SLC16A10: variants seen among roughly 807,000 people sequenced by gnomAD.
The protein encoded by SLC16A10 is monocarboxylate transporter 10.
Under a neutral mutation model 40.0 loss-of-function variants are expected in SLC16A10, and 27 were observed. The ratio of observed to expected loss-of-function variants is 0.67; its 90% CI spans 0.50 to 0.93. SLC16A10 has a LOEUF of 0.93. Among genes scored for constraint, SLC16A10 ranks in the 40% least tolerant of loss-of-function variants. SLC16A10 has a pLI of 0.00. For synonymous variants in SLC16A10, 213 were observed against 249.8 expected (o/e 0.85, Z 1.39); for missense variants, 529 against 658.2 (o/e 0.80, Z 2.15).
chr6:111,116,889 A>T (rs1248283871), intron 1 of SLC16A10, among the ~76,000 whole-genome samples: 1 of 152,220 alleles, frequency 6.6e-6, no homozygotes, highest in Non-Finnish European at 1.5e-5. Flanking sequence ...GATGGGGGAT[A>T]CTAGAAAACT....
chr6:111,138,756 G>C (rs766193035), intron 1 of SLC16A10, among the ~76,000 whole-genome samples: 20 of 152,104 alleles, frequency 1.3e-4, no homozygotes, highest in Non-Finnish European at 2.2e-4. Context: ...AAGTAGCTGG[G>C]ACTACAGGCC....
chr6:111,221,118 G>T (rs1348361257), intron 5 of SLC16A10, among the ~76,000 whole-genome samples: 1 of 152,110 alleles, frequency 6.6e-6, no homozygotes, highest in Non-Finnish European at 1.5e-5. Context: ...ATATTCCCTG[G>T]ACATTTTAGA....
intron 1 of SLC16A10, among the ~76,000 whole-genome samples, chr6:111,152,993 G>A (rs1772200513): frequency 6.6e-6 from 1 of 152,158 alleles, no homozygotes; most frequent in East Asian, 1.9e-4. Flanking sequence ...AATGCACAGG[G>A]TAAAGAACTT....
In SLC16A10 at chr6:111,230,262, C is replaced by T. The variant is rs1436311700; in HGVS notation, c.*8027C>T. On this transcript the variant is annotated 3_prime_UTR_variant, in exon 6 of 6. Transcript: ENST00000368851. Reference sequence around the variant, plus strand: ...GTGCTGGAATTACAGGCATGAGCCACCATGCCCGGCTAGAGAATGACAGGT... The same window carrying T: ...GTGCTGGAATTACAGGCATGAGCCATCATGCCCGGCTAGAGAATGACAGGT... The T allele has an allele frequency of 6.6e-6, 1 of 152,026 alleles. No individual in the cohort carries two copies. The highest frequency in any genetic ancestry group is 1.5e-5 in the Non-Finnish European group (1 of 68,020). The allele number at this position is 152,026 out of a possible 1,614,324, so 9.4% of individuals were successfully genotyped here. A position where few individuals can be genotyped will look rare whatever the true frequency, so the allele number is the denominator to read the frequency against.
Position 111,229,050 on chromosome 6 carries a change from T to C in SLC16A10, c.*6815T>C, listed in dbSNP as rs987488594. 1 of 87,564 alleles carries C rather than the reference T, an allele frequency of 1.1e-5. No individual in the cohort carries two copies. Among genetic ancestry groups the C allele is most frequent in the Non-Finnish European group, 2.5e-5 (1 of 39,948 alleles). 5.4% of individuals were successfully genotyped at this position (87,564 alleles called of 1,614,324 possible). On this transcript the variant is annotated 3_prime_UTR_variant, in exon 6 of 6. Transcript: ENST00000368851. ...GTCTCAAAAAAAAAAAAAAAAAAAA[T>C]AGTGCTGCATTTTGACCCTGGACTA...
intron 4 of SLC16A10, among the ~76,000 whole-genome samples, chr6:111,213,266 T>C (rs1265442148): frequency 2.6e-5 from 4 of 152,086 alleles, no homozygotes; most frequent in Non-Finnish European, 4.4e-5. Flanking sequence ...AACCGAACTG[T>C]TAAGTGTTGA....
chr6:111,158,698 A>G (rs1303159200), intron 1 of SLC16A10, among the ~76,000 whole-genome samples: 1 of 152,188 alleles, frequency 6.6e-6, no homozygotes, highest in Non-Finnish European at 1.5e-5. Context: ...TATTTACTCG[A>G]TATTTTAAAC....
At chr6:111,094,289 C>T (rs989817116) in intron 1 of SLC16A10, among the ~76,000 whole-genome samples, 2 of 117,734 alleles carry the variant, frequency 1.7e-5, no homozygotes, top group African/African-American at 1.0e-4. Context: ...TCACTGTGTT[C>T]AAGACTTATT....
intron 3 of SLC16A10, among the ~76,000 whole-genome samples, chr6:111,202,884 CAAAAAAAAAAAAAAAAAAAAA>C (rs567667458): frequency 1.4e-4 from 12 of 86,298 alleles, no homozygotes; most frequent in Admixed American, 6.5e-4. Flanking sequence ...GAGACTCCAT[CAAAAAAAAAAAAAAAAAAAAA>C]AAAAAAAAAA....
At chr6:111,130,219 A>G (rs973828144) in intron 1 of SLC16A10, among the ~76,000 whole-genome samples, 1 of 152,232 alleles carries the variant, frequency 6.6e-6, no homozygotes, top group African/African-American at 2.4e-5. Flanking sequence ...ATGTATAGTC[A>G]TGGGGAATGT....
intron 1 of SLC16A10, among the ~76,000 whole-genome samples, chr6:111,124,894 A>C (rs1009089395): frequency 6.6e-6 from 1 of 152,184 alleles, no homozygotes; most frequent in African/African-American, 2.4e-5. Flanking sequence ...GATAACTGTC[A>C]GAGTTCAAGG....
chr6:111,145,228 A>T (rs1042983834), intron 1 of SLC16A10, among the ~76,000 whole-genome samples: 5 of 151,786 alleles, frequency 3.3e-5, no homozygotes, highest in African/African-American at 1.2e-4. Flanking sequence ...ACATGGCAAG[A>T]CCCCATCTCT....
chr6:111,196,867 A>C (rs765675595), intron 3 of SLC16A10, among the ~76,000 whole-genome samples: 99 of 152,218 alleles, frequency 6.5e-4, no homozygotes, highest in Non-Finnish European at 1.2e-3. Context: ...CATTTTGTAT[A>C]GGGGACTTGA....
chr6:111,167,557 A>G (rs767282098), intron 1 of SLC16A10, among the ~76,000 whole-genome samples: 9 of 152,016 alleles, frequency 5.9e-5, no homozygotes, highest in African/African-American at 9.7e-5. Context: ...TGGGGGGAAA[A>G]TATATATTAG....
At chr6:111,146,923 C>G (rs1462009889) in intron 1 of SLC16A10, among the ~76,000 whole-genome samples, 1 of 152,046 alleles carries the variant, frequency 6.6e-6, no homozygotes, top group Non-Finnish European at 1.5e-5. Flanking sequence ...ACCTTGAAAA[C>G]TATACTAAAT....
At chr6:111,119,727 G>A (rs115685790) in intron 1 of SLC16A10, among the ~76,000 whole-genome samples, 1 of 152,302 alleles carries the variant, frequency 6.6e-6, no homozygotes, top group African/African-American at 2.4e-5. Flanking sequence ...GTTAAATGAG[G>A]TCACAAGGGT....
chr6:111,100,040 G>C (rs1238890421), intron 1 of SLC16A10, among the ~76,000 whole-genome samples: 8 of 146,798 alleles, frequency 5.4e-5, no homozygotes, highest in African/African-American at 2.0e-4. Context: ...AAAAAAAAAA[G>C]GTTATTTTTT....
In SLC16A10 at chr6:111,173,867, A is replaced by G. The variant is rs954406286; in HGVS notation, c.488+1028A>G. Among the ~76,000 whole-genome samples the G allele has an allele frequency of 2.6e-5, 4 of 152,210 alleles. No homozygotes were observed. In the East Asian group the frequency reaches 7.7e-4, roughly 29 times the overall value. On this transcript the variant is annotated intron_variant, in intron 2 of 5. Coordinates refer to ENST00000368851, the MANE Select transcript of SLC16A10 (RefSeq NM_018593.5). ...AGAAATAAAGTGCACAATAAATGTA[A>G]TGCACTTGAATCATCCCTAACCGCC...
intron 2 of SLC16A10, 30 bp from the exon 3 acceptor site, chr6:111,177,182 C>T (rs780006400): frequency 2.2e-6 from 3 of 1,384,008 alleles, no homozygotes; most frequent in South Asian, 2.1e-5. Context: ...ATATTGAAAG[C>T]TGCTTTCCAT....
Sources: allele counts gnomAD v4.1 joint callset (sites outside exome capture counted in the v4.1 genomes callset), GRCh38; gene constraint gnomAD v4.1.1; transcripts MANE v1.5; gene names NCBI Gene and HGNC (gene_info 2026-07-23, HGNC 2026-07-21).